Variants in AGBL1 observed in about 807,000 individuals in gnomAD.
AGBL1 encodes the protein AGBL carboxypeptidase 1.
In AGBL1, 130 loss-of-function variants were observed where a neutral mutation model predicts 118.9. That is an observed-to-expected ratio of 1.09 (90% CI 0.95 to 1.26). The LOEUF is 1.26. AGBL1 is among the 50% of genes most tolerant of loss of function. The pLI is 0.00. For synonymous variants in AGBL1, 555 were observed against 478.9 expected, an observed-to-expected ratio of 1.16 and a Z score of -2.08; for missense variants, 1,584 against 1,298.1, an observed-to-expected ratio of 1.22 and a Z score of -3.38.
intron 21 of AGBL1, among the ~76,000 whole-genome samples, chr15:86,600,509 C>T (rs2084476563): frequency 6.6e-6 from 1 of 152,162 alleles, no homozygotes; most frequent in African/African-American, 2.4e-5. Context: ...CAAGCCACCT[C>T]TGTGTATACC....
At chr15:86,539,089 C>CATACCAT (rs71144053) in intron 19 of AGBL1, among the ~76,000 whole-genome samples, 73,716 of 151,324 alleles carry the variant, frequency 0.49, 18,532 homozygotes, top group East Asian at 0.7. Context: ...TAATCCAATC[C>CATACCAT]ATACCTTCCT....
chr15:86,257,421 T>C (rs768370324), intron 8 of AGBL1, among the ~76,000 whole-genome samples: 6 of 152,356 alleles, frequency 3.9e-5, no homozygotes, highest in African/African-American at 1.4e-4. Context: ...GCTAGTCATA[T>C]TGGAATATTT....
intron 21 of AGBL1, among the ~76,000 whole-genome samples, chr15:86,651,316 A>C (rs571455976): frequency 5.1e-4 from 77 of 152,262 alleles, no homozygotes; most frequent in African/African-American, 1.8e-3. Context: ...CAGACAATCT[A>C]ACTAGTTATA....
chr15:86,169,396 A>G (rs2141745867), intron 5 of AGBL1, among the ~76,000 whole-genome samples: 1 of 152,344 alleles, frequency 6.6e-6, no homozygotes, highest in East Asian at 1.9e-4. Context: ...CTTGGTTCTG[A>G]AAGACAGACT....
intron 18 of AGBL1, among the ~76,000 whole-genome samples, chr15:86,506,784 T>C (rs1042446641): frequency 6.6e-6 from 1 of 152,072 alleles, no homozygotes; most frequent in South Asian, 2.1e-4. Flanking sequence ...GTACTAAGGA[T>C]TGACATTGAA....
At chr15:86,663,797 A>T (rs148647963) in intron 21 of AGBL1, among the ~76,000 whole-genome samples, 2,387 of 152,278 alleles carry the variant, frequency 0.016, 36 homozygotes, top group Non-Finnish European at 0.024. Flanking sequence ...TATTTCTGTC[A>T]CTCTGGCTCT....
intron 22 of AGBL1, among the ~76,000 whole-genome samples, chr15:86,741,133 C>T (rs1293956674): frequency 3.3e-5 from 5 of 151,912 alleles, no homozygotes; most frequent in Admixed American, 2.6e-4. Context: ...ATTGCATCCT[C>T]ACAAGTTAGG....
chr15:86,824,860 G>A (rs1293171079), intron 22 of AGBL1, among the ~76,000 whole-genome samples: 1 of 151,844 alleles, frequency 6.6e-6, no homozygotes, highest in African/African-American at 2.4e-5. Flanking sequence ...GAGTTCAAGA[G>A]CAGCCTGGCC....
intron 22 of AGBL1, among the ~76,000 whole-genome samples, chr15:86,879,755 T>C (rs2079864920): frequency 6.6e-6 from 1 of 152,214 alleles, no homozygotes; most frequent in South Asian, 2.1e-4. Context: ...AACGGCTCTT[T>C]ATTTAGCTCC....
At chr15:86,924,415 C>T (rs1227142892) in intron 23 of AGBL1, among the ~76,000 whole-genome samples, 1 of 152,216 alleles carries the variant, frequency 6.6e-6, no homozygotes, top group African/African-American at 2.4e-5. Context: ...GGTTTATAGT[C>T]AGCAAATTAC....
intron 17 of AGBL1, among the ~76,000 whole-genome samples, chr15:86,301,480 C>G (rs976013084): frequency 6.6e-6 from 1 of 151,438 alleles, no homozygotes; most frequent in Non-Finnish European, 1.5e-5. Flanking sequence ...ATAATGAGTT[C>G]TCTCCATGGA....
chr15:86,998,238 A>G (rs539619965), intron 24 of AGBL1, among the ~76,000 whole-genome samples: 1 of 152,336 alleles, frequency 6.6e-6, no homozygotes, highest in African/African-American at 2.4e-5. Context: ...CAGTGACTGG[A>G]TACAAAAGAC....
intron 17 of AGBL1, among the ~76,000 whole-genome samples, chr15:86,307,181 C>T (rs188421459): frequency 6.6e-6 from 1 of 152,108 alleles, no homozygotes; most frequent in East Asian, 1.9e-4. Flanking sequence ...CTCAGGTGGT[C>T]CATATTTTAA....
chr15:86,135,021 G>A (rs151290376), intron 1 of AGBL1, among the ~76,000 whole-genome samples: 199 of 152,182 alleles, frequency 1.3e-3, no homozygotes, highest in African/African-American at 4.6e-3. Flanking sequence ...GTTGGAGTTG[G>A]GGCCTAATGG....
chr15:86,488,750 C>G (rs1233883289), intron 18 of AGBL1, among the ~76,000 whole-genome samples: 1 of 152,000 alleles, frequency 6.6e-6, no homozygotes, highest in African/African-American at 2.4e-5. Context: ...CCCTCTCTAC[C>G]GGGCCCTTTC....
intron 22 of AGBL1, among the ~76,000 whole-genome samples, chr15:86,829,777 A>T (rs1012856245): frequency 2.6e-5 from 4 of 152,054 alleles, no homozygotes; most frequent in Admixed American, 6.5e-5. Flanking sequence ...TTTATTTTTT[A>T]AAAATTATAA....
At chr15:86,155,470 G>A (rs1008229982) in intron 4 of AGBL1, among the ~76,000 whole-genome samples, 5 of 151,956 alleles carry the variant, frequency 3.3e-5, no homozygotes, top group African/African-American at 9.7e-5. Context: ...AAAAAGTGAA[G>A]CGATTGCTTG....
At chr15:86,090,081 C>T (rs181231063) in intron 1 of AGBL1, among the ~76,000 whole-genome samples, 3 of 152,264 alleles carry the variant, frequency 2.0e-5, no homozygotes, top group East Asian at 3.9e-4. Context: ...CATAACCTCA[C>T]AACAATCCTA....
At chr15:86,354,911 G>T (rs748826496) in intron 17 of AGBL1, among the ~76,000 whole-genome samples, 3 of 152,222 alleles carry the variant, frequency 2.0e-5, no homozygotes, top group African/African-American at 2.4e-5. Context: ...GTGGAAGCCA[G>T]AAAGGCTAAA....
Sources: allele counts gnomAD v4.1 joint callset (sites outside exome capture counted in the v4.1 genomes callset), GRCh38; gene constraint gnomAD v4.1.1; transcripts MANE v1.5; gene names NCBI Gene and HGNC (gene_info 2026-07-23, HGNC 2026-07-21).